TMEM245: variants seen among roughly 807,000 people sequenced by gnomAD.
TMEM245 encodes the protein protein CG-2.
TMEM245 carries 69 observed loss-of-function variants against 101.2 expected under a neutral mutation model. That is an observed-to-expected ratio of 0.68 (90% CI 0.56 to 0.83). The LOEUF (loss-of-function observed/expected upper bound fraction) is 0.83, where lower values mean the gene tolerates loss of function less well. TMEM245 is among the 40% of genes least tolerant of loss of function. The probability of loss-of-function intolerance (pLI) is 0.00; values close to 1 mark genes in which losing one functional copy is unlikely to be tolerated. For missense variants in TMEM245, 1,075 were observed against 1,092.8 expected (o/e 0.98, Z 0.23); for synonymous variants, 537 against 449.8 (o/e 1.19, Z -2.45).
At chr9:109,095,691 T>G (rs960484636) in intron 3 of TMEM245, among the ~76,000 whole-genome samples, 3 of 152,162 alleles carry the variant, frequency 2.0e-5, no homozygotes, top group African/African-American at 4.8e-5. Context: ...AAAAGTATAC[T>G]CATATGCAGT....
At chr9:109,052,585 T>C (rs143734845) in intron 12 of TMEM245, among the ~76,000 whole-genome samples, 2 of 152,356 alleles carry the variant, frequency 1.3e-5, no homozygotes, top group African/African-American at 4.8e-5. Flanking sequence ...CTCAGTTTCA[T>C]AAGAGAACTC....
At chr9:109,110,277 C>T (rs564477079) in intron 1 of TMEM245, among the ~76,000 whole-genome samples, 260 of 152,214 alleles carry the variant, frequency 1.7e-3, no homozygotes, top group African/African-American at 6.1e-3. Context: ...TATTCTAATG[C>T]TTTATGTATA....
At position 109,085,980 on chromosome 9, in the gene TMEM245, T is replaced by C. The variant is rs768982728; in HGVS notation, c.1344+17A>G. On this transcript the variant is annotated intron_variant, in intron 7 of 17. Transcript: ENST00000374586. ...CGGAATTCAATAGTAAAAACCAACA[T>C]CTGGGTGTTCATTTACCTTCTTATT... 1.5e-5 allele frequency: 25 copies of C among 1,613,540 alleles called. No individual in the cohort carries two copies. The highest frequency in any genetic ancestry group is 6.7e-5 in the Admixed American group (4 of 59,990).
intron 7 of TMEM245, among the ~76,000 whole-genome samples, chr9:109,083,175 T>C (rs7034615): frequency 0.49 from 73,984 of 151,188 alleles, 18,269 homozygotes; most frequent in Admixed American, 0.56. Flanking sequence ...GGAAAAAAAG[T>C]GAAGAGGATA....
chr9:109,112,217 AG>A (rs1305329170), intron 1 of TMEM245, among the ~76,000 whole-genome samples: 1 of 152,028 alleles, frequency 6.6e-6, no homozygotes, highest in African/African-American at 2.4e-5. Context: ...GGGGAGGGGG[AG>A]AAAAAAGATT....
In TMEM245 at chr9:109,020,519, A is replaced by G. The variant is rs909213258; in HGVS notation, c.2595-14T>C. On this transcript the variant is annotated splice_polypyrimidine_tract_variant and intron_variant, in intron 17 of 17. Coordinates refer to ENST00000374586, the MANE Select transcript of TMEM245 (RefSeq NM_032012.4). ...TCACGGAAAGTCCTAAAAGAAAAAAAGACGGAATGATTAGTTGATTACCAT... is the reference window on the plus strand; with the variant it reads ...TCACGGAAAGTCCTAAAAGAAAAAAGGACGGAATGATTAGTTGATTACCAT... 1 of 1,612,062 alleles carries G rather than the reference A, an allele frequency of 6.2e-7. No homozygotes were observed. Among genetic ancestry groups the G allele is most frequent in the African/African-American group, 1.3e-5 (1 of 74,906 alleles).
chr9:109,083,916 A>AAACAAAAAAAAAC (rs1829751131), intron 7 of TMEM245, among the ~76,000 whole-genome samples: 4 of 132,502 alleles, frequency 3.0e-5, no homozygotes, highest in Non-Finnish European at 6.5e-5. Flanking sequence ...AAAAAAAAAA[A>AAACAAAAAAAAAC]AAAAAAAAAA....
intron 8 of TMEM245, among the ~76,000 whole-genome samples, chr9:109,074,342 C>T (rs1201938816): frequency 2.0e-5 from 3 of 152,094 alleles, no homozygotes; most frequent in Admixed American, 6.6e-5. Context: ...TGGAACTCAG[C>T]CATCAGGTAA....
intron 1 of TMEM245, among the ~76,000 whole-genome samples, chr9:109,115,919 G>C (rs1351631980): frequency 6.6e-6 from 1 of 152,182 alleles, no homozygotes; most frequent in Admixed American, 6.5e-5. Context: ...TTTGATAACA[G>C]CAGGACTTCA....
chr9:109,069,597 C>T (rs147647551), intron 9 of TMEM245, among the ~76,000 whole-genome samples: 5 of 152,286 alleles, frequency 3.3e-5, no homozygotes, highest in African/African-American at 1.2e-4. Context: ...CCATTCTGAC[C>T]TGCTTTCCCC....
chr9:109,037,948 C>G, intron 15 of TMEM245, 69 bp downstream of exon 15: 2 of 1,280,152 alleles, frequency 1.6e-6, no homozygotes, highest in East Asian at 5.2e-5. Context: ...TAGACATTTC[C>G]TAGATGTATG....
At position 109,036,308 on chromosome 9, in the gene TMEM245, A is replaced by C. The variant is rs947958094; in HGVS notation, c.2297T>G (p.Leu766Arg). Residue 766 changes from leucine (L) to arginine (R), a missense_variant, in exon 16 of 18, where the codon CTG becomes CGG. Around this residue, in one of 2 missense-constraint regions of TMEM245, gnomAD observed 267 missense variants for 351.3 expected, o/e 0.76. Transcript: ENST00000374586. ...GCATCCTAACCCTTGTGTCAGCCAC[A>C]GGTCAAGAACTGCAGGTACTGCTGC... ...YWAAVPAVLD[L>R]WLTQGLGCKA... is the part of the protein sequence containing the mutation. The C allele has an allele frequency of 6.2e-7, 1 of 1,613,994 alleles. No homozygotes were observed. The highest frequency in any genetic ancestry group is 8.5e-7 in the Non-Finnish European group (1 of 1,179,976).
chr9:109,119,458 GAGC>G lies in TMEM245; in HGVS notation c.453_455del (p.Leu152del). On this transcript the variant is annotated inframe_deletion, in exon 1 of 18. Coordinates refer to ENST00000374586, the MANE Select transcript of TMEM245 (RefSeq NM_032012.4). ...CGTACAGGAGCGGGCCGCCGGCGCC[GAGC>G]AGCAGGAGCAGGCGGCGGCGGCGCA... 6.7e-7 allele frequency: 1 copy of G among 1,495,160 alleles called. No homozygotes were observed. Among genetic ancestry groups the G allele is most frequent in the Non-Finnish European group, 8.8e-7 (1 of 1,131,814 alleles). The allele number at this position is 1,495,160 out of a possible 1,614,324, so 92.6% of individuals were successfully genotyped here.
intron 8 of TMEM245, 75 bp from the exon 9 acceptor site, chr9:109,073,513 T>C: frequency 8.6e-7 from 1 of 1,160,074 alleles, no homozygotes; most frequent in Non-Finnish European, 1.3e-6. Context: ...TTCTACTCTA[T>C]TATTGGAACA....
At chr9:109,029,499 A>C (rs985109185) in intron 17 of TMEM245, among the ~76,000 whole-genome samples, 2 of 152,208 alleles carry the variant, frequency 1.3e-5, no homozygotes, top group African/African-American at 4.8e-5. Flanking sequence ...TTAAAGAAAA[A>C]ATTTCAAGCA....
intron 7 of TMEM245, among the ~76,000 whole-genome samples, chr9:109,082,772 G>A (rs944095683): frequency 3.3e-5 from 5 of 151,334 alleles, no homozygotes; most frequent in African/African-American, 1.2e-4. Flanking sequence ...AAACATATTA[G>A]GTACATTAAC....
chr9:109,103,405 G>A (rs1259302724), intron 3 of TMEM245, among the ~76,000 whole-genome samples: 1 of 152,108 alleles, frequency 6.6e-6, no homozygotes, highest in Non-Finnish European at 1.5e-5. Context: ...CATATACAAA[G>A]AAAACTACAA....
At chr9:109,049,877 C>T (rs550474613) in intron 14 of TMEM245, among the ~76,000 whole-genome samples, 5 of 152,066 alleles carry the variant, frequency 3.3e-5, no homozygotes, top group African/African-American at 1.2e-4. Flanking sequence ...TCACTGTAAC[C>T]TCAAGTTCCT....
intron 8 of TMEM245, among the ~76,000 whole-genome samples, chr9:109,080,444 GA>G (rs1829634264): frequency 6.6e-6 from 1 of 151,986 alleles, no homozygotes; most frequent in African/African-American, 2.4e-5. Context: ...TCAGCAGAAG[GA>G]TCAATGAGAC....
Sources: allele counts gnomAD v4.1 joint callset (sites outside exome capture counted in the v4.1 genomes callset), GRCh38; gene constraint gnomAD v4.1.1; regional missense constraint gnomAD v4.1.1; transcripts MANE v1.5; gene names NCBI Gene and HGNC (gene_info 2026-07-23, HGNC 2026-07-21).